KCNQ5: variants seen among roughly 807,000 people sequenced by gnomAD.
KCNQ5 encodes the protein potassium voltage-gated channel subfamily KQT member 5.
KCNQ5 carries 30 observed loss-of-function variants against 98.2 expected under a neutral mutation model. The observed-to-expected ratio is 0.31, with a 90% CI of 0.23 to 0.41. KCNQ5 has a LOEUF of 0.41. KCNQ5 is among the 10% of genes least tolerant of loss of function. The probability of loss-of-function intolerance (pLI) is 1.00; values close to 1 mark genes in which losing one functional copy is unlikely to be tolerated. For synonymous variants in KCNQ5, 458 were observed against 449.4 expected (o/e 1.02, Z -0.24); for missense variants, 835 against 1,182.5 (o/e 0.71, Z 4.31).
intron 1 of KCNQ5, among the ~76,000 whole-genome samples, chr6:72,742,868 T>C (rs1271559624): frequency 6.6e-6 from 1 of 152,200 alleles, no homozygotes; most frequent in Non-Finnish European, 1.5e-5. Context: ...CCCAAGCCTA[T>C]TCAATATCTT....
At chr6:73,093,706 T>A (rs1377277160) in intron 5 of KCNQ5, among the ~76,000 whole-genome samples, 1 of 152,216 alleles carries the variant, frequency 6.6e-6, no homozygotes, top group Non-Finnish European at 1.5e-5. Flanking sequence ...TCCATATATT[T>A]GCATGGCTTT....
intron 1 of KCNQ5, among the ~76,000 whole-genome samples, chr6:72,982,629 T>C (rs532119173): frequency 6.6e-5 from 10 of 152,160 alleles, no homozygotes; most frequent in African/African-American, 1.9e-4. Flanking sequence ...CTTTATCCAA[T>C]TTGCCAGTCT....
intron 3 of KCNQ5, 113 bp downstream of exon 3, chr6:73,042,175 C>A: frequency 1.6e-6 from 2 of 1,245,058 alleles, no homozygotes; most frequent in Non-Finnish European, 2.4e-6. Context: ...GAGTACTTAT[C>A]ATGGACCGGG....
intron 1 of KCNQ5, among the ~76,000 whole-genome samples, chr6:72,798,710 A>T (rs371307224): frequency 6.6e-6 from 1 of 152,202 alleles, no homozygotes; most frequent in South Asian, 2.1e-4. Context: ...TAATTCATAA[A>T]TGTGAATATT....
intron 1 of KCNQ5, among the ~76,000 whole-genome samples, chr6:72,770,268 A>G (rs1481082941): frequency 6.6e-6 from 1 of 152,116 alleles, no homozygotes; most frequent in African/African-American, 2.4e-5. Context: ...AAGGCCAAGT[A>G]GGTCTAGCTC....
At chr6:72,631,199 A>G (rs2154471567) in intron 1 of KCNQ5, among the ~76,000 whole-genome samples, 1 of 152,322 alleles carries the variant, frequency 6.6e-6, no homozygotes, top group South Asian at 2.1e-4. Flanking sequence ...CAGGGGTGAT[A>G]AAATGAGTTT....
chr6:72,712,488 T>C (rs562135691), intron 1 of KCNQ5, among the ~76,000 whole-genome samples: 4 of 152,218 alleles, frequency 2.6e-5, no homozygotes, highest in Non-Finnish European at 5.9e-5. Flanking sequence ...TCTTTGAATC[T>C]AATAAGATTT....
intron 1 of KCNQ5, among the ~76,000 whole-genome samples, chr6:72,731,000 T>C (rs1477611575): frequency 6.6e-6 from 1 of 152,228 alleles, no homozygotes; most frequent in Non-Finnish European, 1.5e-5. Context: ...TTTCTTCATA[T>C]GGTTCTTGCA....
chr6:72,814,498 G>A (rs562781049), intron 1 of KCNQ5, among the ~76,000 whole-genome samples: 4 of 152,288 alleles, frequency 2.6e-5, no homozygotes, highest in East Asian at 3.9e-4. Flanking sequence ...AAAGAGCAAC[G>A]CCCGACACAG....
intron 6 of KCNQ5, among the ~76,000 whole-genome samples, chr6:73,108,615 A>G (rs79813777): frequency 0.017 from 2,607 of 152,308 alleles, 75 homozygotes; most frequent in African/African-American, 0.059. Context: ...TCACAAGGTG[A>G]GGAGATCGAG....
chr6:73,112,479 G>T (rs1775287545), intron 7 of KCNQ5, among the ~76,000 whole-genome samples: 1 of 151,896 alleles, frequency 6.6e-6, no homozygotes, highest in African/African-American at 2.4e-5. Flanking sequence ...CCGAGTAGCT[G>T]GGACTACAGG....
rs543905393 is a variant in KCNQ5 at position 72,633,981 on chromosome 6, A to G, written c.398+11394A>G. Among the ~76,000 whole-genome samples, 131 of 152,336 alleles carry G rather than the reference A, an allele frequency of 8.6e-4. 2 individuals are homozygous for G. In the South Asian group the frequency reaches 0.026, roughly 30 times the overall value. On this transcript the variant is annotated intron_variant, in intron 1 of 13. Transcript: ENST00000370398. ...TTTCTCAACATCAGCCTTGGCAAAG[A>G]ATTTTTGACTAAGTCCCCAAAAGCA...
At chr6:72,634,924 T>A (rs1294037277) in intron 1 of KCNQ5, among the ~76,000 whole-genome samples, 2 of 152,210 alleles carry the variant, frequency 1.3e-5, no homozygotes, top group Admixed American at 6.5e-5. Context: ...GTGGAACTAT[T>A]TGAATGTTTT....
chr6:73,119,232 C>T (rs1368229612), intron 7 of KCNQ5, among the ~76,000 whole-genome samples: 1 of 152,158 alleles, frequency 6.6e-6, no homozygotes, highest in Non-Finnish European at 1.5e-5. Flanking sequence ...CAGATGGAAG[C>T]TTTTCCAATA....
At chr6:72,943,770 A>G (rs955939574) in intron 1 of KCNQ5, among the ~76,000 whole-genome samples, 2 of 152,234 alleles carry the variant, frequency 1.3e-5, no homozygotes, top group Non-Finnish European at 2.9e-5. Context: ...TCTCATCTGT[A>G]AAATGGGAAT....
intron 1 of KCNQ5, among the ~76,000 whole-genome samples, chr6:72,779,019 G>T (rs1582272796): frequency 6.6e-6 from 1 of 152,342 alleles, no homozygotes; most frequent in East Asian, 1.9e-4. Flanking sequence ...GGATTGAGGA[G>T]TATGTGAGTG....
chr6:72,910,168 A>G (rs1779872185), intron 1 of KCNQ5, among the ~76,000 whole-genome samples: 1 of 152,158 alleles, frequency 6.6e-6, no homozygotes, highest in African/African-American at 2.4e-5. Flanking sequence ...ATTTAACCAT[A>G]ATGATAATCT....
chr6:72,902,931 C>T (rs185561926), intron 1 of KCNQ5, among the ~76,000 whole-genome samples: 43 of 152,080 alleles, frequency 2.8e-4, no homozygotes, highest in East Asian at 9.7e-4. Context: ...ATTTGAGTGT[C>T]GGGTAGAAAT....
At chr6:72,764,696 G>T (rs981257579) in intron 1 of KCNQ5, among the ~76,000 whole-genome samples, 3 of 151,928 alleles carry the variant, frequency 2.0e-5, no homozygotes, top group Non-Finnish European at 4.4e-5. Context: ...CTATCAAATA[G>T]TAGGTCTTAT....
Sources: gnomAD v4.1 joint callset for allele counts (sites outside exome capture counted in the v4.1 genomes callset) on GRCh38, gnomAD v4.1.1 for gene constraint, MANE v1.5 for transcripts, NCBI Gene and HGNC (gene_info 2026-07-23, HGNC 2026-07-21) for gene names.